Variants in ABHD3 observed in about 807,000 individuals in gnomAD.
The protein encoded by ABHD3 is abhydrolase domain containing 3, phospholipase.
In ABHD3, 46 loss-of-function variants were observed where a neutral mutation model predicts 48.8. The ratio of observed to expected loss-of-function variants is 0.94; its 90% CI spans 0.74 to 1.20. ABHD3 has a LOEUF of 1.20. ABHD3 is among the 50% of genes most tolerant of loss of function. ABHD3 has a pLI of 0.00. For synonymous variants in ABHD3, 192 were observed against 183.7 expected, an observed-to-expected ratio of 1.04 and a Z score of -0.36; for missense variants, 490 against 497.8, an observed-to-expected ratio of 0.98 and a Z score of 0.15.
chr18:21,656,973 G>T lies in ABHD3; in HGVS notation c.945C>A (p.Tyr315Ter), dbSNP rs1467909214. Residue 315 changes from tyrosine (Y) to a stop codon, truncating the protein, a stop_gained, in exon 8 of 9, where the codon TAC (tyrosine) becomes TAA (stop). Coordinates refer to ENST00000289119, the MANE Select transcript of ABHD3 (RefSeq NM_138340.5). LOFTEE classifies it high-confidence loss of function. ...CAGTATAATAATCATCAATTGTTTGGTATCCAAACATGACTGAAGTGAATC... is the reference window on the plus strand; with the variant it reads ...CAGTATAATAATCATCAATTGTTTGTTATCCAAACATGACTGAAGTGAATC... ...DKRFTSVMFG[Y>*]QTIDDYYTDA... The T allele has an allele frequency of 6.2e-7, 1 of 1,613,996 alleles. No homozygotes were observed. The highest frequency in any genetic ancestry group is 1.1e-5 in the South Asian group (1 of 91,076).
At chr18:21,673,130 T>C (rs2039792324) in intron 4 of ABHD3, among the ~76,000 whole-genome samples, 1 of 152,180 alleles carries the variant, frequency 6.6e-6, no homozygotes, top group African/African-American at 2.4e-5. Flanking sequence ...GTGACTCACC[T>C]GGGTCATGGA....
chr18:21,703,157 G>A (rs1428575904), intron 2 of ABHD3, among the ~76,000 whole-genome samples: 1 of 151,030 alleles, frequency 6.6e-6, no homozygotes, highest in African/African-American at 2.4e-5. Flanking sequence ...CTGTCAATAG[G>A]AAGTCATTTT....
intron 4 of ABHD3, among the ~76,000 whole-genome samples, chr18:21,678,319 CT>C (rs1424869991): frequency 4.6e-5 from 7 of 152,072 alleles, no homozygotes; most frequent in Admixed American, 2.6e-4. Flanking sequence ...TATGGTAACT[CT>C]ATTTTAACTT....
intron 5 of ABHD3, among the ~76,000 whole-genome samples, chr18:21,663,232 G>A (rs2039543115): frequency 6.6e-6 from 1 of 151,672 alleles, no homozygotes; most frequent in African/African-American, 2.4e-5. Flanking sequence ...ACAGCCACTG[G>A]CTATAGAAAA....
At chr18:21,654,304 G>A (rs1275830800) in intron 8 of ABHD3, among the ~76,000 whole-genome samples, 5 of 152,090 alleles carry the variant, frequency 3.3e-5, no homozygotes, top group Non-Finnish European at 7.3e-5. Flanking sequence ...CTAATTAAAG[G>A]TAACAGCTTC....
At chr18:21,694,630 G>C (rs1026173336) in intron 3 of ABHD3, among the ~76,000 whole-genome samples, 7 of 152,114 alleles carry the variant, frequency 4.6e-5, no homozygotes, top group Non-Finnish European at 1.0e-4. Context: ...TTACAATCTT[G>C]CAAAAATCCC....
intron 3 of ABHD3, among the ~76,000 whole-genome samples, chr18:21,689,454 CAGG>C (rs1271745386): frequency 2.9e-5 from 4 of 139,894 alleles, no homozygotes; most frequent in Non-Finnish European, 6.0e-5. Flanking sequence ...GAGGCTGAAG[CAGG>C]AGAATTGCTT....
At chr18:21,654,271 G>T (rs1691833549) in intron 8 of ABHD3, among the ~76,000 whole-genome samples, 1 of 152,078 alleles carries the variant, frequency 6.6e-6, no homozygotes. Flanking sequence ...CACAACTTGG[G>T]CTGAGTTTTA....
chr18:21,697,128 T>G (rs1598562182), intron 3 of ABHD3, among the ~76,000 whole-genome samples: 1 of 148,628 alleles, frequency 6.7e-6, no homozygotes. Flanking sequence ...CTGGCTGGAG[T>G]GCAGTGGTGC....
intron 1 of ABHD3, 85 bp downstream of exon 1, chr18:21,704,419 G>A (rs2040589834): frequency 1.6e-6 from 2 of 1,226,190 alleles, no homozygotes; most frequent in Non-Finnish European, 1.0e-6. Flanking sequence ...GCTGCCGACC[G>A]CCCCTGGCCG....
intron 4 of ABHD3, among the ~76,000 whole-genome samples, chr18:21,679,447 T>C (rs2146312332): frequency 6.6e-6 from 1 of 152,394 alleles, no homozygotes; most frequent in East Asian, 1.9e-4. Flanking sequence ...ATTAAATGTA[T>C]ACTTCTTATA....
intron 3 of ABHD3, chr18:21,701,725 A>G (rs1424694082): frequency 6.6e-6 from 1 of 152,216 alleles, no homozygotes; most frequent in Non-Finnish European, 1.5e-5. Context: ...TCACTTGCAA[A>G]AAATTAAATT....
In ABHD3 at chr18:21,661,102, TA is replaced by T. The variant is rs35710540; in HGVS notation, c.669-1760del. Among the ~76,000 whole-genome samples, 382 of 57,220 alleles carry T rather than the reference TA, an allele frequency of 6.7e-3. 3 individuals carry two copies. The highest frequency in any genetic ancestry group is 0.02 in the African/African-American group (289 of 14,348). 37.5% of individuals were successfully genotyped at this position (57,220 alleles called of 152,430 possible). A position where few individuals can be genotyped will look rare whatever the true frequency, so the allele number is the denominator to read the frequency against. On this transcript the variant is annotated intron_variant, in intron 5 of 8. Coordinates refer to ENST00000289119, the MANE Select transcript of ABHD3 (RefSeq NM_138340.5). ...TCACCAAAAGAAAAAAACTACAAGC[TA>T]AAAAAAAAAAAAAAAAAAAAAAAGA...
intron 6 of ABHD3, among the ~76,000 whole-genome samples, chr18:21,657,514 GTTT>G (rs562560785): frequency 8.8e-5 from 13 of 147,968 alleles, no homozygotes; most frequent in African/African-American, 3.0e-4. Context: ...AATTTTGTGG[GTTT>G]TTTTTTTCTT....
chr18:21,671,386 C>G (rs1291642953), intron 4 of ABHD3, among the ~76,000 whole-genome samples: 1 of 152,104 alleles, frequency 6.6e-6, no homozygotes. Context: ...AAGAATCACC[C>G]AGAATACACA....
intron 8 of ABHD3, among the ~76,000 whole-genome samples, chr18:21,656,223 G>A (rs2146279073): frequency 6.6e-6 from 1 of 152,230 alleles, no homozygotes; most frequent in South Asian, 2.1e-4. Flanking sequence ...TATTCAGGCT[G>A]GAGTGTAGTG....
At chr18:21,689,137 A>C (rs140227239) in intron 3 of ABHD3, among the ~76,000 whole-genome samples, 2 of 152,346 alleles carry the variant, frequency 1.3e-5, no homozygotes, top group Non-Finnish European at 2.9e-5. Context: ...GGGAGTTGAC[A>C]CTAGGAAAAT....
chr18:21,655,748 G>A lies in ABHD3; in HGVS notation c.1057+1113C>T, dbSNP rs534051818. On this transcript the variant is annotated intron_variant, in intron 8 of 8. Transcript: ENST00000289119. ...CCAGCTACTTGGGAAGCTGAGGCAG[G>A]AGAATTGCTTGAACTCGGGAGGCGT... Among the ~76,000 whole-genome samples, 175 of 151,814 alleles carry A rather than the reference G, an allele frequency of 1.2e-3. 3 individuals are homozygous for A. The highest frequency in any genetic ancestry group is 1.4e-3 in the Admixed American group (21 of 15,254).
Position 21,651,769 on chromosome 18 carries a change from G to T in ABHD3, c.1058-6C>A. The T allele has an allele frequency of 3.3e-6, 5 of 1,506,988 alleles. No individual in the cohort carries two copies. The highest frequency in any genetic ancestry group is 1.3e-5 in the South Asian group (1 of 76,346). 93.4% of individuals were successfully genotyped at this position (1,506,988 alleles called of 1,614,324 possible). On this transcript the variant is annotated splice_polypyrimidine_tract_variant and splice_region_variant and intron_variant, in intron 8 of 8. Coordinates refer to ENST00000289119, the MANE Select transcript of ABHD3 (RefSeq NM_138340.5). ...AGCAGTTTCTATTGGAATAGCTTCA[G>T]ACCAAAAAAAACATGGCAATAAGAG...
Sources: allele counts gnomAD v4.1 joint callset (sites outside exome capture counted in the v4.1 genomes callset), GRCh38; gene constraint gnomAD v4.1.1; transcripts MANE v1.5; gene names NCBI Gene and HGNC (gene_info 2026-07-23, HGNC 2026-07-21).